The following ABI3BP variants were observed in gnomAD, a reference collection of about 807,000 sequenced individuals.
ABI3BP encodes ABI family member 3 binding protein, also known as target of Nesh-SH3.
A neutral mutation model predicts 268.6 loss-of-function variants in ABI3BP; 216 were observed. That is an observed-to-expected ratio of 0.80 (90% confidence interval 0.72 to 0.90). The LOEUF is 0.90. ABI3BP is among the 40% of genes least tolerant of loss of function. ABI3BP has a pLI of 0.00. For synonymous variants in ABI3BP, 730 were observed against 730.0 expected (o/e 1.00, Z 0.00); for missense variants, 2,090 against 2,182.4 (o/e 0.96, Z 0.84).
At chr3:100,833,228 T>G (rs2098521977) in intron 29 of ABI3BP, 71 bp from the exon 30 acceptor site, 2 of 1,407,908 alleles carry the variant, frequency 1.4e-6, no homozygotes, top group Non-Finnish European at 1.9e-6. Flanking sequence ...AAGCCATCAT[T>G]CTCTTGAAAA....
In ABI3BP at chr3:100,775,057, G is replaced by C. The variant is rs2096661688; in HGVS notation, c.4462+150C>G. On this transcript the variant is annotated intron_variant, in intron 60 of 67. Coordinates refer to ENST00000471714, the MANE Select transcript of ABI3BP (RefSeq NM_001375547.2). ...CTCTATAAGGGAGTGTTGAAAATAA[G>C]TATTATTTTAAAATTAAAAACAACC... 8 of 923,800 alleles carry C rather than the reference G, an allele frequency of 8.7e-6. No individual in the cohort carries two copies. The South Asian group carries it at 1.4e-4, about 16-fold the overall frequency. 57.2% of individuals were successfully genotyped at this position (923,800 alleles called of 1,614,324 possible). A position where few individuals can be genotyped will look rare whatever the true frequency, so the allele number is the denominator to read the frequency against.
At chr3:100,871,363 T>G (rs1490460605) in intron 9 of ABI3BP, among the ~76,000 whole-genome samples, 1 of 152,152 alleles carries the variant, frequency 6.6e-6, no homozygotes, top group Non-Finnish European at 1.5e-5. Flanking sequence ...GTTGGTACAT[T>G]TGTTGGGTAG....
intron 2 of ABI3BP, chr3:100,911,597 G>A (rs2056518174): frequency 3.0e-6 from 2 of 675,278 alleles, no homozygotes; most frequent in African/African-American, 1.8e-5. Context: ...AAAATTTAGA[G>A]CTGTGTGTTT....
intron 43 of ABI3BP, chr3:100,816,429 TA>T (rs144503445): frequency 0.17 from 99,381 of 578,932 alleles, 10,014 homozygotes; most frequent in South Asian, 0.26. Flanking sequence ...AATCTCGCTG[TA>T]AACACATCTT....
At chr3:100,774,912 ATAACT>A (rs940421059) in intron 60 of ABI3BP, among the ~76,000 whole-genome samples, 12 of 152,234 alleles carry the variant, frequency 7.9e-5, no homozygotes, top group African/African-American at 2.9e-4. Flanking sequence ...ATATGCACTA[ATAACT>A]TAAGATATGT....
At chr3:100,974,020 T>C (rs1366436337) in intron 1 of ABI3BP, among the ~76,000 whole-genome samples, 1 of 152,160 alleles carries the variant, frequency 6.6e-6, no homozygotes, top group Non-Finnish European at 1.5e-5. Context: ...CTAACAAGTA[T>C]GCCTAACGAA....
In ABI3BP at chr3:100,834,360, G is replaced by A. The variant is rs182871960; in HGVS notation, c.2281+324C>T. Among the ~76,000 whole-genome samples the A allele has an allele frequency of 1.4e-3, 207 of 152,128 alleles. 1 individual carries two copies. Among genetic ancestry groups the A allele is most frequent in the Non-Finnish European group, 2.7e-3 (183 of 67,998 alleles). ...TAAAATATTCCTCACAGATACAAAC[G>A]TTCAAAATGTGTGACAGGTTGAACT... On this transcript the variant is annotated intron_variant, in intron 29 of 67. Coordinates refer to ENST00000471714, the MANE Select transcript of ABI3BP (RefSeq NM_001375547.2).
At chr3:100,969,475 G>A (rs1284222723) in intron 1 of ABI3BP, among the ~76,000 whole-genome samples, 2 of 152,100 alleles carry the variant, frequency 1.3e-5, no homozygotes, top group African/African-American at 4.8e-5. Flanking sequence ...AATAAATGTG[G>A]CCAGCAGCAG....
At chr3:100,925,362 C>T (rs763914737) in intron 2 of ABI3BP, among the ~76,000 whole-genome samples, 1 of 152,054 alleles carries the variant, frequency 6.6e-6, no homozygotes, top group East Asian at 1.9e-4. Context: ...ATTAGACTAT[C>T]CAGAAAGCCT....
rs114165130 is a variant in ABI3BP at position 100,837,235 on chromosome 3, T to G, written c.2084-64A>C. 3.2e-3 allele frequency: 4,218 copies of G among 1,326,888 alleles called. 23 individuals are homozygous for G. The highest frequency in any genetic ancestry group is 7.5e-3 in the South Asian group (561 of 74,422). The allele number at this position is 1,326,888 out of a possible 1,614,324, so 82.2% of individuals were successfully genotyped here. ...CAAGGAAGTCTAAACTTTTGGGTGC[T>G]CATTGGTGTTTAATTCAGAGGACAC... On this transcript the variant is annotated intron_variant, in intron 26 of 67. Coordinates refer to ENST00000471714, the MANE Select transcript of ABI3BP (RefSeq NM_001375547.2).
chr3:100,808,198 T>C lies in ABI3BP; in HGVS notation c.3645A>G (p.Lys1215=). The change falls in exon 50 of 68, where the codon AAA becomes AAG. Residue 1215 remains lysine, a synonymous_variant. Transcript: ENST00000471714. ...GTGGGATTCTTGGGCGTGGTGATGT[T>C]TTTGGCTTAGGAGGAGCACGTGGTG... ...KQTPRAPPKP[K]TSPRPRIPQT... is the part of the protein sequence containing the mutation. 3 of 1,611,554 alleles carry C rather than the reference T, an allele frequency of 1.9e-6. No homozygotes were observed. Among genetic ancestry groups the C allele is most frequent in the Non-Finnish European group, 2.5e-6 (3 of 1,178,428 alleles).
intron 5 of ABI3BP, among the ~76,000 whole-genome samples, chr3:100,885,832 G>A (rs1293910448): frequency 6.6e-6 from 1 of 151,882 alleles, no homozygotes; most frequent in Non-Finnish European, 1.5e-5. Flanking sequence ...CTGAACATTG[G>A]TACATGTTAT....
At chr3:100,938,351 CT>C (rs1190243298) in intron 1 of ABI3BP, among the ~76,000 whole-genome samples, 1 of 151,284 alleles carries the variant, frequency 6.6e-6, no homozygotes, top group African/African-American at 2.4e-5. Flanking sequence ...TTAACATTTT[CT>C]TTAATTCTTA....
chr3:100,990,530 T>G (rs529390944), intron 1 of ABI3BP, among the ~76,000 whole-genome samples: 293 of 150,148 alleles, frequency 2.0e-3, no homozygotes, highest in Middle Eastern at 7.0e-3. Context: ...GCACACCACA[T>G]ATAACAACTG....
rs553079239 is a variant in ABI3BP, at chr3:100,808,186, G to C, written c.3657C>G (p.Arg1219=). The C allele has an allele frequency of 6.2e-7, 1 of 1,611,436 alleles. No homozygotes were observed. Among genetic ancestry groups the C allele is most frequent in the African/African-American group, 1.3e-5 (1 of 74,886 alleles). The change falls in exon 50 of 68, where the codon CGC becomes CGG. Residue 1219 remains arginine (R), a synonymous_variant. Coordinates refer to ENST00000471714, the MANE Select transcript of ABI3BP (RefSeq NM_001375547.2). The part of the protein sequence containing the change: ...RAPPKPKTSP[R]PRIPQTQPVP... ...CTGGTTGTGTTTGTGGGATTCTTGG[G>C]CGTGGTGATGTTTTTGGCTTAGGAG...
At position 100,832,296 on chromosome 3, in the gene ABI3BP, G is replaced by T; in HGVS notation, c.2369C>A (p.Thr790Lys). 8 of 1,535,592 alleles carry T rather than the reference G, an allele frequency of 5.2e-6. No homozygotes were observed. Among genetic ancestry groups the T allele is most frequent in the Non-Finnish European group, 7.0e-6 (8 of 1,146,554 alleles). ...TRRPHPKPKT[T>K]PHPEVPQTKL... ...AGTTTGAGGTACTTCTGGATGGGGCGTGGTTTTAGGTTTGGGATGTGGACG... is the reference window on the plus strand; with the variant it reads ...AGTTTGAGGTACTTCTGGATGGGGCTTGGTTTTAGGTTTGGGATGTGGACG... The change falls in exon 31 of 68, where the codon ACG (threonine) becomes AAG (lysine). Residue 790 changes from threonine to lysine, a missense_variant. Thr to Lys is a moderately conservative substitution (Grantham distance 78). Transcript: ENST00000471714.
chr3:100,848,757 T>A, intron 18 of ABI3BP, 44 bp downstream of exon 18: 1 of 1,569,532 alleles, frequency 6.4e-7, no homozygotes, highest in Non-Finnish European at 8.8e-7. Flanking sequence ...ATGGACATTG[T>A]CTATCTGGAA....
chr3:100,803,336 CT>C (rs1486416576), intron 51 of ABI3BP, among the ~76,000 whole-genome samples: 6 of 114,440 alleles, frequency 5.2e-5, no homozygotes, highest in African/African-American at 1.8e-4. Flanking sequence ...TTTTTTTTTT[CT>C]GCCAAAAGTG....
intron 58 of ABI3BP, among the ~76,000 whole-genome samples, chr3:100,779,631 CTA>C (rs1553797634): frequency 9.2e-5 from 14 of 151,654 alleles, no homozygotes; most frequent in African/African-American, 3.2e-4. Flanking sequence ...CTCTCTCTCT[CTA>C]TGTGTTCAGG....
Sources: gnomAD v4.1 joint callset for allele counts (sites outside exome capture counted in the v4.1 genomes callset) on GRCh38, gnomAD v4.1.1 for gene constraint, MANE v1.5 for transcripts, NCBI Gene and HGNC (gene_info 2026-07-23, HGNC 2026-07-21) for gene names.